The following CLEC2A variants were observed in gnomAD, a reference collection of about 807,000 sequenced individuals.
CLEC2A encodes C-type lectin domain family 2 member A, also known as keratinocyte-associated C-type lectin.
In CLEC2A, 19 loss-of-function variants were observed where a neutral mutation model predicts 18.6. The observed-to-expected ratio is 1.02, with a 90% CI of 0.71 to 1.50. The LOEUF (loss-of-function observed/expected upper bound fraction) is 1.50, where lower values mean the gene tolerates loss of function less well. Among genes scored for constraint, CLEC2A ranks in the 40% most tolerant of loss-of-function variants. CLEC2A has a pLI of 0.00. For missense variants in CLEC2A, 190 were observed against 207.9 expected (o/e 0.91, Z 0.53); for synonymous variants, 74 against 64.0 (o/e 1.16, Z -0.75).
the CLEC2A span, among the ~76,000 whole-genome samples, chr12:9,884,169 T>G: frequency 6.6e-6 from 1 of 152,036 alleles, no homozygotes; most frequent in African/African-American, 2.4e-5. Flanking sequence ...GTAGATAAAA[T>G]TGAAAGAGGA....
chr12:9,895,722 C>T, downstream of CLEC2A: 1 of 1,535,444 alleles, frequency 6.5e-7, no homozygotes, highest in East Asian at 2.4e-5. Context: ...ATGACAGGAG[C>T]TGTGCCGTTA....
At chr12:9,920,586 A>ATTAG (rs1224212739) in intron 3 of CLEC2A, among the ~76,000 whole-genome samples, 2 of 152,022 alleles carry the variant, frequency 1.3e-5, no homozygotes. Context: ...TGTTTCCTTG[A>ATTAG]TTAGTTCCAT....
downstream of CLEC2A, among the ~76,000 whole-genome samples, chr12:9,898,113 T>A (rs931499423): frequency 6.6e-6 from 1 of 152,248 alleles, no homozygotes; most frequent in Non-Finnish European, 1.5e-5. Flanking sequence ...CATTCCCTTT[T>A]TATCAAACAT....
intron 3 of CLEC2A, among the ~76,000 whole-genome samples, chr12:9,920,142 G>A (rs1020144876): frequency 6.6e-6 from 1 of 152,242 alleles, no homozygotes; most frequent in Admixed American, 6.5e-5. Flanking sequence ...CTCCAAGCCA[G>A]TGGGTCCTAT....
At chr12:9,911,110 C>T (rs979889593), downstream of CLEC2A, among the ~76,000 whole-genome samples, 2 of 152,150 alleles carry the variant, frequency 1.3e-5, no homozygotes, top group Non-Finnish European at 2.9e-5. Context: ...GTCAAGACCA[C>T]ACAACCTAAA....
chr12:9,913,762 A>G lies in CLEC2A; in HGVS notation c.411-82T>C, dbSNP rs1435635430. 8.9e-6 allele frequency: 8 copies of G among 896,604 alleles called. No individual in the cohort carries two copies. In the African/African-American group the frequency reaches 1.4e-4, roughly 15 times the overall value. 55.5% of individuals were successfully genotyped at this position (896,604 alleles called of 1,614,324 possible). On this transcript the variant is annotated intron_variant, in intron 4 of 4. Coordinates refer to ENST00000455827, the MANE Select transcript of CLEC2A (RefSeq NM_001130711.2). ...ACAATTAATAATAGAGTGATTTTAAATATATTATACCAAACACTGAGCTCC... is the reference window on the plus strand; with the variant it reads ...ACAATTAATAATAGAGTGATTTTAAGTATATTATACCAAACACTGAGCTCC...
At chr12:9,882,299 T>A in the CLEC2A span, among the ~76,000 whole-genome samples, 1 of 152,184 alleles carries the variant, frequency 6.6e-6, no homozygotes, top group South Asian at 2.1e-4. Flanking sequence ...CATTCTCGTG[T>A]ACAATCTCAT....
chr12:9,887,577 G>A, the CLEC2A span, among the ~76,000 whole-genome samples: 1 of 152,148 alleles, frequency 6.6e-6, no homozygotes, highest in Non-Finnish European at 1.5e-5. Context: ...TGGATAGAAT[G>A]AAGCTAGCCC....
At chr12:9,906,165 C>T (rs750304870) in intron 4 of CLEC2A, among the ~76,000 whole-genome samples, 2 of 152,048 alleles carry the variant, frequency 1.3e-5, no homozygotes, top group Non-Finnish European at 1.5e-5. Context: ...GACAAGATTT[C>T]CCTCATGAGG....
the CLEC2A span, among the ~76,000 whole-genome samples, chr12:9,880,520 A>ATGTGTG: frequency 1.7e-3 from 244 of 147,302 alleles, 1 homozygote; most frequent in African/African-American, 5.2e-3. Flanking sequence ...AACCATTAGC[A>ATGTGTG]TGTGTGTGTG....
At chr12:9,907,798 C>T (rs112603622) in intron 4 of CLEC2A, among the ~76,000 whole-genome samples, 3,067 of 152,224 alleles carry the variant, frequency 0.02, 52 homozygotes, top group Middle Eastern at 0.034. Context: ...TGTTTCTGTC[C>T]AGAATAAGGA....
chr12:9,923,461 T>C (rs1367311394), intron 2 of CLEC2A, among the ~76,000 whole-genome samples: 3 of 151,952 alleles, frequency 2.0e-5, no homozygotes, highest in East Asian at 1.9e-4. Context: ...GAAATAGGAA[T>C]ACTTTTACAC....
downstream of CLEC2A, among the ~76,000 whole-genome samples, chr12:9,895,147 A>G (rs566566135): frequency 2.8e-4 from 43 of 152,236 alleles, no homozygotes; most frequent in Admixed American, 1.8e-3. Flanking sequence ...GACTTAAACA[A>G]AATCTTGGGC....
downstream of CLEC2A, among the ~76,000 whole-genome samples, chr12:9,909,610 C>G (rs1322763947): frequency 6.6e-6 from 1 of 152,180 alleles, no homozygotes; most frequent in Admixed American, 6.5e-5. Flanking sequence ...GATGGCACCC[C>G]CTCCCTGCAG....
chr12:9,918,870 T>G (rs1355364417), intron 3 of CLEC2A, among the ~76,000 whole-genome samples: 1 of 152,234 alleles, frequency 6.6e-6, no homozygotes, highest in Admixed American at 6.5e-5. Flanking sequence ...GATAGATCTC[T>G]TTTCTGTTTG....
chr12:9,930,538 T>C (rs580960), intron 1 of CLEC2A, among the ~76,000 whole-genome samples: 11,969 of 152,158 alleles, frequency 0.079, 659 homozygotes, highest in South Asian at 0.3. Context: ...TCTCATTTCT[T>C]CTCTTTTTCA....
chr12:9,907,161 C>T (rs905471663), intron 4 of CLEC2A, among the ~76,000 whole-genome samples: 1 of 152,136 alleles, frequency 6.6e-6, no homozygotes. Flanking sequence ...CTACAGGCTG[C>T]CTGTGGCTTC....
chr12:9,921,441 G>A (rs1392294901), intron 3 of CLEC2A, among the ~76,000 whole-genome samples: 1 of 152,002 alleles, frequency 6.6e-6, no homozygotes, highest in African/African-American at 2.4e-5. Flanking sequence ...AACAAAATTA[G>A]CCAGGAGTGG....
the CLEC2A span, among the ~76,000 whole-genome samples, chr12:9,885,546 T>C: frequency 6.6e-6 from 1 of 151,764 alleles, no homozygotes; most frequent in Admixed American, 6.6e-5. Flanking sequence ...GAAATAGATT[T>C]TGGGGGCTTT....
Sources: gnomAD v4.1 joint callset for allele counts (sites outside exome capture counted in the v4.1 genomes callset) on GRCh38, gnomAD v4.1.1 for gene constraint, MANE v1.5 for transcripts, NCBI Gene and HGNC (gene_info 2026-07-23, HGNC 2026-07-21) for gene names.